Variants in PTPRJ observed in about 807,000 individuals in gnomAD.
The protein encoded by PTPRJ is protein tyrosine phosphatase receptor type J, also known as receptor-type tyrosine-protein phosphatase eta.
PTPRJ carries 129 observed loss-of-function variants against 141.3 expected under a neutral mutation model. That is an observed-to-expected ratio of 0.91 (90% confidence interval 0.79 to 1.06). PTPRJ has a LOEUF of 1.06. Among genes scored for constraint, PTPRJ ranks in the 50% least tolerant of loss-of-function variants. PTPRJ has a pLI of 0.00. For missense variants in PTPRJ, 1,601 were observed against 1,679.7 expected, an observed-to-expected ratio of 0.95 and a Z score of 0.82; for synonymous variants, 610 against 640.5, an observed-to-expected ratio of 0.95 and a Z score of 0.72.
At chr11:48,029,443 A>G (rs7130876) in intron 1 of PTPRJ, among the ~76,000 whole-genome samples, 32,965 of 152,126 alleles carry the variant, frequency 0.22, 3,798 homozygotes, top group African/African-American at 0.29. Context: ...TCCCCTCCCA[A>G]TTCCTTTAAC....
intron 1 of PTPRJ, among the ~76,000 whole-genome samples, chr11:48,074,469 G>A (rs139975403): frequency 4.9e-4 from 74 of 152,270 alleles, no homozygotes; most frequent in African/African-American, 1.6e-3. Flanking sequence ...TCTAGGCAAC[G>A]ATGCATTATA....
intron 22 of PTPRJ, among the ~76,000 whole-genome samples, chr11:48,160,860 G>C (rs541396824): frequency 1.9e-4 from 29 of 152,148 alleles, no homozygotes; most frequent in Admixed American, 1.9e-3. Context: ...ACTATGACTC[G>C]TCTGCTTATA....
intron 1 of PTPRJ, among the ~76,000 whole-genome samples, chr11:48,005,789 T>G (rs957140104): frequency 2.0e-5 from 3 of 152,228 alleles, no homozygotes; most frequent in Non-Finnish European, 4.4e-5. Flanking sequence ...CTTACTGGGC[T>G]GGGTTTAGGG....
intron 1 of PTPRJ, among the ~76,000 whole-genome samples, chr11:48,105,569 C>T (rs1856267411): frequency 6.6e-6 from 1 of 152,148 alleles, no homozygotes; most frequent in South Asian, 2.1e-4. Flanking sequence ...ATTGCAAATG[C>T]CCCTGCGTCA....
chr11:48,129,405 C>T (rs1856918702), intron 7 of PTPRJ, among the ~76,000 whole-genome samples: 1 of 152,156 alleles, frequency 6.6e-6, no homozygotes, highest in African/African-American at 2.4e-5. Flanking sequence ...TGTGCCTATG[C>T]CCTCATCTCC....
At chr11:47,994,846 A>C (rs1162483746) in intron 1 of PTPRJ, among the ~76,000 whole-genome samples, 1 of 152,182 alleles carries the variant, frequency 6.6e-6, no homozygotes, top group African/African-American at 2.4e-5. Context: ...TATGGACTGG[A>C]TACCACATTT....
intron 1 of PTPRJ, among the ~76,000 whole-genome samples, chr11:48,091,365 C>A (rs1040784944): frequency 2.6e-5 from 4 of 152,160 alleles, no homozygotes; most frequent in Non-Finnish European, 5.9e-5. Flanking sequence ...GCCCTAATAT[C>A]ATTACTATCC....
At chr11:48,055,197 AAAAT>A (rs60419761) in intron 1 of PTPRJ, among the ~76,000 whole-genome samples, 2 of 151,854 alleles carry the variant, frequency 1.3e-5, no homozygotes, top group Non-Finnish European at 2.9e-5. Flanking sequence ...AAATAAAAAA[AAAAT>A]AAATAAAGCC....
rs201788752 is a variant in PTPRJ, at chr11:48,139,569, G to T, written c.2236G>T (p.Ala746Ser). Residue 746 changes from alanine to serine, a missense_variant, in exon 11 of 25, where the codon GCC (alanine) becomes TCC (serine). Coordinates refer to ENST00000418331, the MANE Select transcript of PTPRJ (RefSeq NM_002843.4). Reference protein sequence around the residue: ...LVLKWTCPPGANAGFELEVSS... With the variant: ...LVLKWTCPPGSNAGFELEVSS... ...TCTCAAATGGACCTGCCCTCCTGGC[G>T]CCAATGCAGGCTTTGAGCTGGAGGT... is the stretch of plus-strand genomic sequence containing the variant. The T allele has an allele frequency of 2.5e-6, 4 of 1,614,232 alleles. No individual in the cohort carries two copies. Among genetic ancestry groups the T allele is most frequent in the South Asian group, 2.2e-5 (2 of 91,088 alleles).
intron 1 of PTPRJ, among the ~76,000 whole-genome samples, chr11:48,068,163 CTGAA>C (rs148324263): frequency 0.022 from 3,385 of 152,264 alleles, 126 homozygotes; most frequent in African/African-American, 0.077. Flanking sequence ...GATTTATTGA[CTGAA>C]TGAATGGCCT....
At chr11:48,086,585 G>A (rs975542332) in intron 1 of PTPRJ, among the ~76,000 whole-genome samples, 2 of 152,358 alleles carry the variant, frequency 1.3e-5, no homozygotes, top group East Asian at 1.9e-4. Context: ...TCTCCAACCT[G>A]TAGCCTGAAG....
At chr11:48,002,238 A>G (rs917776931) in intron 1 of PTPRJ, among the ~76,000 whole-genome samples, 2 of 151,164 alleles carry the variant, frequency 1.3e-5, no homozygotes, top group Non-Finnish European at 2.9e-5. Context: ...CCCGGGTTCA[A>G]GTGATTCTTG....
chr11:48,094,520 C>T (rs1243176243), intron 1 of PTPRJ, among the ~76,000 whole-genome samples: 2 of 152,182 alleles, frequency 1.3e-5, no homozygotes, highest in Admixed American at 6.5e-5. Context: ...AAGACATTAA[C>T]CTCTGCATGG....
At chr11:47,988,668 T>A (rs1176552443) in intron 1 of PTPRJ, among the ~76,000 whole-genome samples, 1 of 152,204 alleles carries the variant, frequency 6.6e-6, no homozygotes, top group African/African-American at 2.4e-5. Context: ...CAAGTTTATC[T>A]GTAGAGTAAA....
chr11:48,076,950 C>G (rs1855422045), intron 1 of PTPRJ, among the ~76,000 whole-genome samples: 1 of 152,112 alleles, frequency 6.6e-6, no homozygotes, highest in South Asian at 2.1e-4. Context: ...TCACTGCAAC[C>G]TCCACCTCCC....
intron 1 of PTPRJ, among the ~76,000 whole-genome samples, chr11:48,040,331 AAAG>A (rs1565271612): frequency 1.3e-5 from 2 of 152,230 alleles, no homozygotes; most frequent in African/African-American, 4.8e-5. Flanking sequence ...ACCTGGAGTA[AAAG>A]AAATTCTTTC....
chr11:48,022,117 G>C (rs1179428955), intron 1 of PTPRJ, among the ~76,000 whole-genome samples: 2 of 152,152 alleles, frequency 1.3e-5, no homozygotes, highest in Non-Finnish European at 2.9e-5. Context: ...GTTAGTCTAC[G>C]AAGAGGGGTG....
rs143938572 is a variant in PTPRJ at position 48,045,670 on chromosome 11, C to T, written c.97-64388C>T. Among the ~76,000 whole-genome samples the T allele has an allele frequency of 7.2e-3, 1,093 of 152,184 alleles. 4 individuals are homozygous for T. The highest frequency in any genetic ancestry group is 9.4e-3 in the Admixed American group (144 of 15,276). The stretch of plus-strand genomic sequence containing the variant: ...GGTGGAAGGGAGCTGGTGCAGTATT[C>T]GAGTAGAGAAGTTCTGCTGCAGTGA... On this transcript the variant is annotated intron_variant, in intron 1 of 24. Coordinates refer to ENST00000418331, the MANE Select transcript of PTPRJ (RefSeq NM_002843.4).
intron 1 of PTPRJ, among the ~76,000 whole-genome samples, chr11:48,047,406 C>T (rs965281428): frequency 6.6e-6 from 1 of 152,138 alleles, no homozygotes; most frequent in Non-Finnish European, 1.5e-5. Flanking sequence ...GTGAGGGTCT[C>T]TGCCTGCTGC....
Sources: allele counts gnomAD v4.1 joint callset (sites outside exome capture counted in the v4.1 genomes callset), GRCh38; gene constraint gnomAD v4.1.1; transcripts MANE v1.5; gene names NCBI Gene and HGNC (gene_info 2026-07-23, HGNC 2026-07-21).